Variants in CALN1 observed in about 807,000 individuals in gnomAD.
CALN1 encodes the protein calneuron 1.
A neutral mutation model predicts 30.6 loss-of-function variants in CALN1; 17 were observed. The ratio of observed to expected loss-of-function variants is 0.56; its 90% CI spans 0.38 to 0.83. The LOEUF is 0.83. Among genes scored for constraint, CALN1 ranks in the 40% least tolerant of loss-of-function variants. The pLI is 0.00. For missense variants in CALN1, 291 were observed against 354.9 expected, an observed-to-expected ratio of 0.82 and a Z score of 1.45; for synonymous variants, 156 against 131.4, an observed-to-expected ratio of 1.19 and a Z score of -1.28.
chr7:72,394,947 C>T (rs1311923239), intron 2 of CALN1, among the ~76,000 whole-genome samples: 3 of 152,252 alleles, frequency 2.0e-5, no homozygotes, highest in South Asian at 2.1e-4. Context: ...CATGAGCCAT[C>T]GTGCCCAGCC....
intron 3 of CALN1, among the ~76,000 whole-genome samples, chr7:72,259,565 T>G (rs1796137606): frequency 6.6e-6 from 1 of 152,162 alleles, no homozygotes. Flanking sequence ...GGAGTCTGAT[T>G]AAGCTAAGCG....
chr7:72,461,728 T>C, the CALN1 span, among the ~76,000 whole-genome samples: 2 of 152,006 alleles, frequency 1.3e-5, no homozygotes, highest in Non-Finnish European at 2.9e-5. Flanking sequence ...TTCATATGGG[T>C]TGGGCGTGGT....
the CALN1 span, among the ~76,000 whole-genome samples, chr7:72,464,269 A>G: frequency 6.6e-6 from 1 of 152,166 alleles, no homozygotes; most frequent in African/African-American, 2.4e-5. Context: ...TGACAGTGCC[A>G]CTGCACTCCA....
At chr7:72,220,803 G>A (rs932026354) in intron 3 of CALN1, among the ~76,000 whole-genome samples, 4 of 152,308 alleles carry the variant, frequency 2.6e-5, no homozygotes, top group Admixed American at 2.0e-4. Flanking sequence ...GTGATGATGA[G>A]CATTTTTTCA....
At chr7:72,246,421 T>G (rs1369392845) in intron 3 of CALN1, among the ~76,000 whole-genome samples, 1 of 152,140 alleles carries the variant, frequency 6.6e-6, no homozygotes, top group Non-Finnish European at 1.5e-5. Flanking sequence ...GTGATGTCCC[T>G]TGGAGAGTGG....
chr7:72,275,959 T>C (rs569983322), intron 3 of CALN1, among the ~76,000 whole-genome samples: 2 of 152,212 alleles, frequency 1.3e-5, no homozygotes, highest in South Asian at 4.1e-4. Context: ...TTAGCAGAGC[T>C]TGAATTTAAC....
chr7:72,382,528 G>A (rs1407942156), intron 2 of CALN1, among the ~76,000 whole-genome samples: 2 of 152,096 alleles, frequency 1.3e-5, no homozygotes, highest in Non-Finnish European at 2.9e-5. Context: ...ATTGTGTAAT[G>A]CTGAGGTTTG....
rs1322439470 is a variant in CALN1 at position 71,787,060 on chromosome 7, T to C, written c.*715A>G. 1 of 152,700 alleles carries C rather than the reference T, an allele frequency of 6.5e-6. No homozygotes were observed. The highest frequency in any genetic ancestry group is 1.9e-4 in the East Asian group (1 of 5,202). The allele number at this position is 152,700 out of a possible 1,614,324, so 9.5% of individuals were successfully genotyped here. A position where few individuals can be genotyped will look rare whatever the true frequency, so the allele number is the denominator to read the frequency against. The stretch of plus-strand genomic sequence containing the variant: ...AGCTGGGAGAAAGGCTCTCTGCAGG[T>C]TCCAAAATGCTGGTGCGGGATGGGC... On this transcript the variant is annotated 3_prime_UTR_variant, in exon 7 of 7. Transcript: ENST00000395275.
At chr7:72,260,993 C>A (rs1431444566) in intron 3 of CALN1, among the ~76,000 whole-genome samples, 3 of 152,146 alleles carry the variant, frequency 2.0e-5, no homozygotes, top group Non-Finnish European at 4.4e-5. Flanking sequence ...GCAAAGCACA[C>A]ACCAACTGGC....
intron 5 of CALN1, among the ~76,000 whole-genome samples, chr7:71,998,370 A>G (rs1411478551): frequency 2.6e-5 from 4 of 152,064 alleles, no homozygotes; most frequent in Admixed American, 6.6e-5. Context: ...TTTTCCTTCT[A>G]AATTGTGTAA....
chr7:72,495,667 G>T, the CALN1 span, among the ~76,000 whole-genome samples: 1 of 152,174 alleles, frequency 6.6e-6, no homozygotes, highest in East Asian at 1.9e-4. Context: ...ATGGCCTCAA[G>T]AAAACAGAGA....
chr7:72,492,689 T>C, the CALN1 span, among the ~76,000 whole-genome samples: 1 of 152,296 alleles, frequency 6.6e-6, no homozygotes, highest in East Asian at 1.9e-4. Context: ...AGAATGAAAG[T>C]ACCCACTCTT....
At chr7:72,472,088 G>A in the CALN1 span, among the ~76,000 whole-genome samples, 103 of 152,160 alleles carry the variant, frequency 6.8e-4, 2 homozygotes, top group South Asian at 0.011. Context: ...GAGCCACTGC[G>A]CCCAGCCAAG....
chr7:72,011,529 T>G (rs2129529257), intron 5 of CALN1, among the ~76,000 whole-genome samples: 1 of 152,296 alleles, frequency 6.6e-6, no homozygotes, highest in African/African-American at 2.4e-5. Context: ...TGGTTTGGGG[T>G]TTGAAGGGAT....
At chr7:72,196,724 ATTAAG>A (rs1791033937) in intron 3 of CALN1, among the ~76,000 whole-genome samples, 1 of 152,224 alleles carries the variant, frequency 6.6e-6, no homozygotes, top group Admixed American at 6.5e-5. Flanking sequence ...GTTCACATAT[ATTAAG>A]TTCTTTTTAT....
intron 3 of CALN1, among the ~76,000 whole-genome samples, chr7:72,273,162 G>A (rs1349101940): frequency 2.0e-5 from 3 of 151,954 alleles, no homozygotes; most frequent in Non-Finnish European, 4.4e-5. Context: ...GGCCAGGCAC[G>A]GTGGCTCACA....
At chr7:72,499,896 T>C in the CALN1 span, among the ~76,000 whole-genome samples, 1 of 56,062 alleles carries the variant, frequency 1.8e-5, no homozygotes, top group African/African-American at 1.0e-4. Context: ...TTTCTTTCTT[T>C]CTTTCTTTCT....
In CALN1 at chr7:71,876,012, G is replaced by T. The variant is rs201594938; in HGVS notation, c.502-65520C>A. On this transcript the variant is annotated intron_variant, in intron 5 of 6. Transcript: ENST00000395275. Reference sequence around the variant, plus strand: ...CAGAAACCTATTTATCAGATGAGAGGTTTGGGGCATTTGGCCAAGAAACCA... The same window carrying T: ...CAGAAACCTATTTATCAGATGAGAGTTTTGGGGCATTTGGCCAAGAAACCA... Among the ~76,000 whole-genome samples, 4 of 152,094 alleles carry T rather than the reference G, an allele frequency of 2.6e-5. No individual in the cohort carries two copies. The East Asian group carries it at 7.7e-4, about 29-fold the overall frequency.
chr7:72,460,108 A>G, the CALN1 span, among the ~76,000 whole-genome samples: 1 of 152,112 alleles, frequency 6.6e-6, no homozygotes, highest in African/African-American at 2.4e-5. Context: ...AAACAACCAC[A>G]TCTTACATGA....
Sources: allele counts gnomAD v4.1 joint callset (sites outside exome capture counted in the v4.1 genomes callset), GRCh38; gene constraint gnomAD v4.1.1; transcripts MANE v1.5; gene names NCBI Gene and HGNC (gene_info 2026-07-23, HGNC 2026-07-21).